The following PCLAF variants were observed in gnomAD, a reference collection of about 807,000 sequenced individuals.
The protein encoded by PCLAF is PCNA clamp associated factor, also known as PCNA-associated factor.
PCLAF carries 12 observed loss-of-function variants against 15.1 expected under a neutral mutation model. That is an observed-to-expected ratio of 0.79 (90% CI 0.51 to 1.29). The LOEUF is 1.29. Among genes scored for constraint, PCLAF ranks in the 50% most tolerant of loss-of-function variants. The probability of loss-of-function intolerance (pLI) is 0.00; values close to 1 mark genes in which losing one functional copy is unlikely to be tolerated. For synonymous variants in PCLAF, 33 were observed against 47.1 expected, an observed-to-expected ratio of 0.70 and a Z score of 1.22; for missense variants, 116 against 130.9, an observed-to-expected ratio of 0.89 and a Z score of 0.56.
At chr15:64,386,687 G>A (rs1466919786) in intron 1 of PCLAF, among the ~76,000 whole-genome samples, 1 of 151,750 alleles carries the variant, frequency 6.6e-6, no homozygotes, top group Non-Finnish European at 1.5e-5. Context: ...TGATCCTCCC[G>A]CCTCGGCCTC....
intron 3 of PCLAF, among the ~76,000 whole-genome samples, chr15:64,369,920 A>G (rs1899209348): frequency 6.6e-6 from 1 of 152,160 alleles, no homozygotes; most frequent in African/African-American, 2.4e-5. Context: ...CACACATACC[A>G]TAGGTCAAGA....
chr15:64,369,581 A>T (rs558220282), intron 3 of PCLAF, among the ~76,000 whole-genome samples: 1 of 151,908 alleles, frequency 6.6e-6, no homozygotes, highest in Non-Finnish European at 1.5e-5. Context: ...TTTGAGATGG[A>T]GTCTCACTTT....
At chr15:64,369,567 T>A (rs1555407079) in intron 3 of PCLAF, among the ~76,000 whole-genome samples, 1 of 152,026 alleles carries the variant, frequency 6.6e-6, no homozygotes, top group Non-Finnish European at 1.5e-5. Flanking sequence ...ATAATTTCTT[T>A]TTTTTTGAGA....
At chr15:64,370,277 T>C (rs1239681681) in intron 3 of PCLAF, among the ~76,000 whole-genome samples, 1 of 149,538 alleles carries the variant, frequency 6.7e-6, no homozygotes, top group Non-Finnish European at 1.5e-5. Context: ...GTAGAGACCA[T>C]GCCTAAGCTG....
intron 3 of PCLAF, among the ~76,000 whole-genome samples, chr15:64,368,590 T>C (rs1357095419): frequency 6.6e-6 from 1 of 152,196 alleles, no homozygotes; most frequent in Non-Finnish European, 1.5e-5. Flanking sequence ...GGAATAACTA[T>C]ATTCCATAGA....
Position 64,365,196 on chromosome 15 carries a change from G to T in PCLAF, c.*834C>A. 6.6e-6 allele frequency: 1 copy of T among 151,160 alleles called. No homozygotes were observed. The highest frequency in any genetic ancestry group is 2.0e-4 in the East Asian group (1 of 5,092). 9.4% of individuals were successfully genotyped at this position (151,160 alleles called of 1,614,324 possible). A position where few individuals can be genotyped will look rare whatever the true frequency, so the allele number is the denominator to read the frequency against. On this transcript the variant is annotated 3_prime_UTR_variant, in exon 4 of 4. Transcript: ENST00000300035. Reference sequence around the variant, plus strand: ...TTTTTGTATTTTTAGTAGAGACGGGGTTTCACCTTGTTAGGCAGGATGGTC... The same window carrying T: ...TTTTTGTATTTTTAGTAGAGACGGGTTTTCACCTTGTTAGGCAGGATGGTC...
rs1245368125 is a variant in PCLAF, at chr15:64,376,953, C to T, written c.128-48G>A. ...ACTAGATAAGTGCTAATAATACAAT[C>T]TCTATTCCTTAAACAACTTAATTCC... On this transcript the variant is annotated intron_variant, in intron 2 of 3. Transcript: ENST00000300035. 5 of 1,466,162 alleles carry T rather than the reference C, an allele frequency of 3.4e-6. No individual in the cohort carries two copies. The East Asian group carries it at 1.1e-4, about 33-fold the overall frequency. 90.8% of individuals were successfully genotyped at this position (1,466,162 alleles called of 1,614,324 possible).
rs536082386 is a variant in PCLAF at position 64,366,968 on chromosome 15, A to G, written c.291-893T>C. On this transcript the variant is annotated intron_variant, in intron 3 of 3. Coordinates refer to ENST00000300035, the MANE Select transcript of PCLAF (RefSeq NM_014736.6). ...AGCCTCGGGGACAGAGAGCCTGTCT[A>G]AAAAAAAAAAAAATTAGTTGGTCGT... is the stretch of plus-strand genomic sequence containing the variant. 1.0e-2 allele frequency among the ~76,000 whole-genome samples: 1,413 copies of G among 141,584 alleles called. 23 individuals carry two copies. The highest frequency in any genetic ancestry group is 0.03 in the Middle Eastern group (8 of 264). The allele number at this position is 141,584 out of a possible 152,430, so 92.9% of individuals were successfully genotyped here. A position where few individuals can be genotyped will look rare whatever the true frequency, so the allele number is the denominator to read the frequency against.
chr15:64,375,611 T>G (rs1899576928), intron 3 of PCLAF, among the ~76,000 whole-genome samples: 2 of 152,146 alleles, frequency 1.3e-5, no homozygotes, highest in African/African-American at 4.8e-5. Context: ...CAGGCTGGTC[T>G]GGAACTCCTG....
At chr15:64,381,198 C>T in intron 1 of PCLAF, 128 bp downstream of exon 1, 2 of 1,237,726 alleles carry the variant, frequency 1.6e-6, no homozygotes, top group Non-Finnish European at 2.4e-6. Flanking sequence ...AGGGGCCAGG[C>T]GGCTACTCCC....
At chr15:64,378,403 A>G (rs1277747438) in intron 2 of PCLAF, among the ~76,000 whole-genome samples, 1 of 152,142 alleles carries the variant, frequency 6.6e-6, no homozygotes, top group Non-Finnish European at 1.5e-5. Context: ...TTGTTTCCAT[A>G]TAGACTCTGA....
chr15:64,373,210 C>T (rs146188515), intron 3 of PCLAF: 3,665 of 152,522 alleles, frequency 0.024, 59 homozygotes, highest in Middle Eastern at 0.051. Context: ...ACTGAATCTC[C>T]ATTCCATAGC....
In PCLAF at chr15:64,381,381, A is replaced by G. The variant is rs946105199; in HGVS notation, c.-10T>C. On this transcript the variant is annotated 5_prime_UTR_variant, in exon 1 of 4. Transcript: ENST00000300035. ...CTTTAGTCCGCACCATGTTCAAACA[A>G]GAAGAGAGGAGAGGAGAGAACGAAC... The G allele has an allele frequency of 6.2e-6, 10 of 1,614,052 alleles. No homozygotes were observed. The highest frequency in any genetic ancestry group is 8.5e-6 in the Non-Finnish European group (10 of 1,180,034).
At chr15:64,370,998 T>C (rs1187040411) in intron 3 of PCLAF, among the ~76,000 whole-genome samples, 1 of 137,450 alleles carries the variant, frequency 7.3e-6, no homozygotes, top group Non-Finnish European at 1.5e-5. Flanking sequence ...AGACGGAGTC[T>C]CGCGCTGTCG....
intron 2 of PCLAF, among the ~76,000 whole-genome samples, chr15:64,379,240 G>C (rs570253334): frequency 6.6e-6 from 1 of 152,162 alleles, no homozygotes; most frequent in East Asian, 1.9e-4. Flanking sequence ...ACTTTGGTAG[G>C]CTGAGGCGGG....
exon 1 of PCLAF, chr15:64,387,470 G>A (rs1899972792): frequency 5.5e-6 from 7 of 1,272,844 alleles, no homozygotes; most frequent in Non-Finnish European, 7.1e-6. Context: ...CCTTCCACGT[G>A]CTGTTTTATT....
rs1291671194 is a variant in PCLAF, at chr15:64,366,058, G to C, written c.308C>G (p.Pro103Arg). 7 of 1,611,552 alleles carry C rather than the reference G, an allele frequency of 4.3e-6. No homozygotes were observed. Among genetic ancestry groups the C allele is most frequent in the Non-Finnish European group, 5.1e-6 (6 of 1,178,894 alleles). The change falls in exon 4 of 4, where the codon CCT becomes CGT. Residue 103 changes from proline to arginine, a missense_variant. Pro to Arg is a moderately radical substitution (Grantham distance 103). Coordinates refer to ENST00000300035, the MANE Select transcript of PCLAF (RefSeq NM_014736.6). ...TTCTTTTTCATCATTTGTGTGATCA[G>C]GTTGCAAAGGACATGCTCTGTGAAA... ...KAKRKACPLQ[P>R]DHTNDEKE
Position 64,364,594 on chromosome 15 carries a change from T to A in PCLAF, c.*1436A>T, listed in dbSNP as rs1158347263. 6.6e-6 allele frequency: 1 copy of A among 152,076 alleles called. No homozygotes were observed. Among genetic ancestry groups the A allele is most frequent in the Non-Finnish European group, 1.5e-5 (1 of 68,026 alleles). The allele number at this position is 152,076 out of a possible 1,614,324, so 9.4% of individuals were successfully genotyped here. A position where few individuals can be genotyped will look rare whatever the true frequency, so the allele number is the denominator to read the frequency against. On this transcript the variant is annotated 3_prime_UTR_variant, in exon 4 of 4. Coordinates refer to ENST00000300035, the MANE Select transcript of PCLAF (RefSeq NM_014736.6). ...ATCAAATGCAAATCCTAGGAAAATT[T>A]CTTTTAAGAGATGGGATCTGGTTCC...
upstream of PCLAF, chr15:64,381,485 G>A (rs1899821711): frequency 1.3e-6 from 2 of 1,595,700 alleles, no homozygotes; most frequent in African/African-American, 2.7e-5. Context: ...TCTCTTTCCC[G>A]CGCGCTCCAA....
Sources: allele counts gnomAD v4.1 joint callset (sites outside exome capture counted in the v4.1 genomes callset), GRCh38; gene constraint gnomAD v4.1.1; transcripts MANE v1.5; gene names NCBI Gene and HGNC (gene_info 2026-07-23, HGNC 2026-07-21).